NACC2: variants seen among roughly 807,000 people sequenced by gnomAD.
The protein encoded by NACC2 is NACC family member 2.
NACC2 carries 8 observed loss-of-function variants against 25.1 expected under a neutral mutation model. The observed-to-expected ratio is 0.32, with a 90% CI of 0.19 to 0.57. The LOEUF is 0.57. NACC2 is among the 20% of genes least tolerant of loss of function. NACC2 has a pLI of 0.89. For missense variants in NACC2, 644 were observed against 650.2 expected (o/e 0.99, Z 0.10); for synonymous variants, 435 against 294.7 (o/e 1.48, Z -4.88).
chr9:136,035,337 T>C (rs1335099), intron 2 of NACC2, among the ~76,000 whole-genome samples: 125,305 of 151,698 alleles, frequency 0.83, 52,256 homozygotes, highest in Non-Finnish European at 0.89. Context: ...TGTGACGCAC[T>C]GAGAAGGTTC....
intron 2 of NACC2, among the ~76,000 whole-genome samples, chr9:136,044,249 C>G (rs1484658466): frequency 6.6e-6 from 1 of 152,174 alleles, no homozygotes. Context: ...CAGTGCGGTG[C>G]TCCCACCTGT....
chr9:136,025,128 G>C (rs1222722589), intron 2 of NACC2, among the ~76,000 whole-genome samples: 1 of 152,218 alleles, frequency 6.6e-6, no homozygotes, highest in African/African-American at 2.4e-5. Flanking sequence ...GGGTTCTGGG[G>C]AACACCAGGC....
At position 136,077,279 on chromosome 9, in the gene NACC2, A is replaced by G. The variant is rs190186563; in HGVS notation, c.-60+17910T>C. On this transcript the variant is annotated intron_variant, in intron 1 of 5. Coordinates refer to ENST00000277554, the MANE Select transcript of NACC2 (RefSeq NM_144653.5). ...CCGGAGGTGGAGGTTGCAGTGAGCC[A>G]AGATTGCGCCATTGCACTCCAGCCT... Among the ~76,000 whole-genome samples, 485 of 146,796 alleles carry G rather than the reference A, an allele frequency of 3.3e-3. 1 individual carries two copies. The highest frequency in any genetic ancestry group is 0.012 in the African/African-American group (450 of 39,092).
In NACC2 at chr9:136,020,582, T is replaced by C. The variant is rs1024302975; in HGVS notation, c.887-4153A>G. ...GACGGGGAGGCCTACTCCCTAAAAGTGTATACCATTTGTTAAAATGCACCA... is the reference window on the plus strand; with the variant it reads ...GACGGGGAGGCCTACTCCCTAAAAGCGTATACCATTTGTTAAAATGCACCA... On this transcript the variant is annotated intron_variant, in intron 2 of 5. Transcript: ENST00000277554. The surrounding 1 kb of genome is among the most constrained non-coding windows in gnomAD (Gnocchi z 4.7). Among the ~76,000 whole-genome samples, 4 of 152,174 alleles carry C rather than the reference T, an allele frequency of 2.6e-5. No individual in the cohort carries two copies. The highest frequency in any genetic ancestry group is 4.4e-5 in the Non-Finnish European group (3 of 68,024).
At chr9:136,034,050 A>G (rs1316565502) in intron 2 of NACC2, among the ~76,000 whole-genome samples, 4 of 152,184 alleles carry the variant, frequency 2.6e-5, no homozygotes, top group African/African-American at 9.7e-5. Flanking sequence ...AAATATTTAG[A>G]AAGATTCAGA....
At chr9:136,083,558 C>A (rs7873344) in intron 1 of NACC2, among the ~76,000 whole-genome samples, 2,132 of 152,356 alleles carry the variant, frequency 0.014, 40 homozygotes, top group African/African-American at 0.048. Flanking sequence ...CCAGAGGTGT[C>A]TTCTGAGAAG....
chr9:136,030,281 C>T (rs1037420625), intron 2 of NACC2, among the ~76,000 whole-genome samples: 1 of 152,138 alleles, frequency 6.6e-6, no homozygotes, highest in Admixed American at 6.5e-5. Context: ...TCAGAGGAGG[C>T]TCATCCCTGT....
chr9:136,091,798 C>G (rs1830436073), intron 1 of NACC2, among the ~76,000 whole-genome samples: 1 of 151,892 alleles, frequency 6.6e-6, no homozygotes, highest in Non-Finnish European at 1.5e-5. Context: ...CTCATCTCAC[C>G]AAGAGCCAGG....
In NACC2 at chr9:136,018,497, C is replaced by T. The variant is rs1174011280; in HGVS notation, c.887-2068G>A. Among the ~76,000 whole-genome samples, 4 of 152,214 alleles carry T rather than the reference C, an allele frequency of 2.6e-5. No homozygotes were observed. The East Asian group carries it at 7.7e-4, about 29-fold the overall frequency. ...ACCATGCGGGGTCTGAAACCACCCACCCTGGAGTCACCCTGACACTCCCTC... is the reference window on the plus strand; with the variant it reads ...ACCATGCGGGGTCTGAAACCACCCATCCTGGAGTCACCCTGACACTCCCTC... On this transcript the variant is annotated intron_variant, in intron 2 of 5. Coordinates refer to ENST00000277554, the MANE Select transcript of NACC2 (RefSeq NM_144653.5). The surrounding 1 kb of genome is among the most constrained non-coding windows in gnomAD (Gnocchi z 4.4).
Position 136,092,682 on chromosome 9 carries a change from T to C in NACC2, c.-60+2507A>G, listed in dbSNP as rs1026863114. Reference sequence around the variant, plus strand: ...ATGTGCTACCAAGGTGAAGGTGGACTGGGCCGGAGGAGCAGCAGAGTCAGG... The same window carrying C: ...ATGTGCTACCAAGGTGAAGGTGGACCGGGCCGGAGGAGCAGCAGAGTCAGG... On this transcript the variant is annotated intron_variant, in intron 1 of 5. Coordinates refer to ENST00000277554, the MANE Select transcript of NACC2 (RefSeq NM_144653.5). Among the ~76,000 whole-genome samples, 11 of 152,180 alleles carry C rather than the reference T, an allele frequency of 7.2e-5. 1 individual carries two copies. In the South Asian group the frequency reaches 2.3e-3, roughly 31 times the overall value.
At chr9:136,068,499 C>CAAAAA (rs58780352) in intron 1 of NACC2, among the ~76,000 whole-genome samples, 1 of 100,090 alleles carries the variant, frequency 1.0e-5, no homozygotes, top group Non-Finnish European at 1.9e-5. Context: ...AACTCCGTCT[C>CAAAAA]AAAAAAAAAA....
chr9:136,089,259 G>A (rs1830410696), intron 1 of NACC2, among the ~76,000 whole-genome samples: 1 of 152,074 alleles, frequency 6.6e-6, no homozygotes, highest in African/African-American at 2.4e-5. Context: ...GCCAGGCTCT[G>A]GCCAGGGCCC....
Position 136,010,371 on chromosome 9 carries a change from G to A in NACC2, c.*1145C>T, listed in dbSNP as rs113126811. ...CTCTCGCCCTGGCCCAGCCCTGGCC[G>A]CTGCCTCCTGCCCGAGCGGAGTCCC... On this transcript the variant is annotated 3_prime_UTR_variant, in exon 6 of 6. Transcript: ENST00000277554. The surrounding 1 kb of genome is among the most constrained non-coding windows in gnomAD (Gnocchi z 4.9). The A allele has an allele frequency of 5.0e-3, 759 of 153,222 alleles. 10 individuals are homozygous for A. The highest frequency in any genetic ancestry group is 0.018 in the African/African-American group (733 of 41,586). 9.5% of individuals were successfully genotyped at this position (153,222 alleles called of 1,614,324 possible).
chr9:136,051,366 CCGCTCGCCT>C (rs2131163721), intron 1 of NACC2, among the ~76,000 whole-genome samples: 1 of 152,340 alleles, frequency 6.6e-6, no homozygotes, highest in Admixed American at 6.5e-5. Context: ...GCCCCCCACC[CCGCTCGCCT>C]CGCTCCCCAC....
At chr9:136,030,391 C>A (rs553581224) in intron 2 of NACC2, among the ~76,000 whole-genome samples, 1 of 151,978 alleles carries the variant, frequency 6.6e-6, no homozygotes, top group East Asian at 2.0e-4. Flanking sequence ...AGGCAGATCA[C>A]GAGGTCAGGA....
chr9:136,075,183 C>A (rs1307116284), intron 1 of NACC2, among the ~76,000 whole-genome samples: 1 of 152,208 alleles, frequency 6.6e-6, no homozygotes, highest in Non-Finnish European at 1.5e-5. Context: ...GGCTGCAACG[C>A]CCCCCACACA....
chr9:136,020,405 G>A lies in NACC2; in HGVS notation c.887-3976C>T, dbSNP rs1389712210. On this transcript the variant is annotated intron_variant, in intron 2 of 5. Coordinates refer to ENST00000277554, the MANE Select transcript of NACC2 (RefSeq NM_144653.5). This position sits in a 1 kb window ranked among gnomAD's most constrained non-coding sequence, Gnocchi z 4.7. ...GGCGAGCCCTGTTCCTGTCCCCAAGGCAGAGTGTGTCATCGGGGACTCGCC... is the reference window on the plus strand; with the variant it reads ...GGCGAGCCCTGTTCCTGTCCCCAAGACAGAGTGTGTCATCGGGGACTCGCC... Among the ~76,000 whole-genome samples, 1 of 152,042 alleles carries A rather than the reference G, an allele frequency of 6.6e-6. No individual in the cohort carries two copies. Among genetic ancestry groups the A allele is most frequent in the Non-Finnish European group, 1.5e-5 (1 of 68,004 alleles).
intron 2 of NACC2, among the ~76,000 whole-genome samples, chr9:136,040,683 G>A (rs938140554): frequency 1.3e-5 from 2 of 152,240 alleles, no homozygotes; most frequent in Non-Finnish European, 2.9e-5. Context: ...AAAATGGCCA[G>A]GCGCAGTGGC....
chr9:136,040,242 G>A (rs1840608226), intron 2 of NACC2, among the ~76,000 whole-genome samples: 1 of 152,008 alleles, frequency 6.6e-6, no homozygotes, highest in African/African-American at 2.4e-5. Context: ...CTACTCGGGA[G>A]GCTGAGGCAG....
Sources: gnomAD v4.1 joint callset for allele counts (sites outside exome capture counted in the v4.1 genomes callset) on GRCh38, gnomAD v4.1.1 for gene constraint, Gnocchi (gnomAD v3.1) non-coding constraint, MANE v1.5 for transcripts, NCBI Gene and HGNC (gene_info 2026-07-23, HGNC 2026-07-21) for gene names.